CDH13: variants seen among roughly 807,000 people sequenced by gnomAD.
CDH13 encodes the protein cadherin-13.
In CDH13, 24 loss-of-function variants were observed where a neutral mutation model predicts 63.8. The observed-to-expected ratio is 0.38, with a 90% CI of 0.27 to 0.53. The LOEUF (loss-of-function observed/expected upper bound fraction) is 0.53. CDH13 is among the 20% of genes least tolerant of loss of function. The pLI, the probability that CDH13 is intolerant of heterozygous loss-of-function variation, is 0.85. For synonymous variants in CDH13, 503 were observed against 355.3 expected, an observed-to-expected ratio of 1.42 and a Z score of -4.67; for missense variants, 1,049 against 903.1, an observed-to-expected ratio of 1.16 and a Z score of -2.07.
intron 7 of CDH13, among the ~76,000 whole-genome samples, chr16:83,512,354 A>AAATAAAT (rs1567726017): frequency 6.9e-6 from 1 of 145,254 alleles, no homozygotes; most frequent in Non-Finnish European, 1.5e-5. Flanking sequence ...ATAAATAAAT[A>AAATAAAT]AATAAATAAA....
At chr16:83,363,735 A>G (rs1255558162) in intron 6 of CDH13, among the ~76,000 whole-genome samples, 1 of 152,210 alleles carries the variant, frequency 6.6e-6, no homozygotes, top group Non-Finnish European at 1.5e-5. Context: ...GGGAGGTGGC[A>G]GATCCTTTGG....
At chr16:83,738,261 T>C (rs1258949778) in intron 10 of CDH13, among the ~76,000 whole-genome samples, 1 of 152,180 alleles carries the variant, frequency 6.6e-6, no homozygotes, top group Non-Finnish European at 1.5e-5. Flanking sequence ...CCAAGCGCGG[T>C]GCCTGGCATG....
intron 1 of CDH13, among the ~76,000 whole-genome samples, chr16:82,630,285 G>T (rs1319470301): frequency 2.1e-4 from 32 of 152,170 alleles, no homozygotes; most frequent in Admixed American, 2.1e-3. Flanking sequence ...CTAGGGAAAT[G>T]GAATATGTAG....
intron 6 of CDH13, among the ~76,000 whole-genome samples, chr16:83,361,723 G>A (rs1372141425): frequency 6.6e-6 from 1 of 152,126 alleles, no homozygotes; most frequent in Non-Finnish European, 1.5e-5. Flanking sequence ...CTTTGTGGAA[G>A]AGCAGATGCC....
intron 1 of CDH13, among the ~76,000 whole-genome samples, chr16:82,786,948 T>C (rs1415084281): frequency 6.6e-6 from 1 of 152,196 alleles, no homozygotes; most frequent in Non-Finnish European, 1.5e-5. Context: ...AAGCATCCTC[T>C]ACTTGTGCAT....
At chr16:82,750,382 G>C (rs953075746) in intron 1 of CDH13, among the ~76,000 whole-genome samples, 1 of 152,146 alleles carries the variant, frequency 6.6e-6, no homozygotes, top group African/African-American at 2.4e-5. Flanking sequence ...GCCTCTACCA[G>C]CCTCAATCTT....
In CDH13 at chr16:83,120,152, T is replaced by C. The variant is rs540681366; in HGVS notation, c.367-5233T>C. ...CCCGAACCCTGTCCCTTCCAGGTAC[T>C]GTTTTTCCCGAATCAGAGCTTCCTG... On this transcript the variant is annotated intron_variant, in intron 3 of 13. Transcript: ENST00000567109. 5.3e-5 allele frequency among the ~76,000 whole-genome samples: 8 copies of C among 152,222 alleles called. No homozygotes were observed. The South Asian group carries it at 6.2e-4, about 12-fold the overall frequency.
At chr16:82,705,111 A>G (rs1020134250) in intron 1 of CDH13, 1 of 455,960 alleles carries the variant, frequency 2.2e-6, no homozygotes, top group Non-Finnish European at 4.4e-6. Context: ...CAATTTATCA[A>G]AAATAAAGCC....
At chr16:83,120,306 A>G (rs1327208608) in intron 3 of CDH13, among the ~76,000 whole-genome samples, 1 of 152,318 alleles carries the variant, frequency 6.6e-6, no homozygotes, top group South Asian at 2.1e-4. Flanking sequence ...GTGAGCTGGG[A>G]GGACACCAGA....
chr16:82,708,681 A>G (rs1759477508), intron 1 of CDH13, among the ~76,000 whole-genome samples: 1 of 152,140 alleles, frequency 6.6e-6, no homozygotes, highest in Admixed American at 6.6e-5. Context: ...AGGGTCTAAA[A>G]CACCATGACC....
chr16:82,935,917 C>T (rs759021682), intron 2 of CDH13, among the ~76,000 whole-genome samples: 6 of 152,084 alleles, frequency 3.9e-5, no homozygotes, highest in Non-Finnish European at 7.4e-5. Context: ...AAAAGACCAG[C>T]GGGTGGCAGC....
intron 1 of CDH13, among the ~76,000 whole-genome samples, chr16:82,770,827 C>A (rs771006928): frequency 1.3e-5 from 2 of 152,146 alleles, no homozygotes; most frequent in Non-Finnish European, 2.9e-5. Flanking sequence ...CCTGCCTCAG[C>A]CTCCCGAGTA....
intron 5 of CDH13, 129 bp from the exon 6 acceptor site, chr16:83,344,733 G>A: frequency 6.4e-6 from 6 of 940,556 alleles, no homozygotes; most frequent in Non-Finnish European, 9.5e-6. Flanking sequence ...TATCCTCTGA[G>A]ACCAAAATTT....
intron 6 of CDH13, among the ~76,000 whole-genome samples, chr16:83,400,321 C>G (rs1320014910): frequency 5.9e-5 from 9 of 152,148 alleles, no homozygotes; most frequent in Non-Finnish European, 8.8e-5. Flanking sequence ...GTTTGGCTTT[C>G]TGGTGCTCTG....
At chr16:83,512,397 G>A (rs1018825932) in intron 7 of CDH13, among the ~76,000 whole-genome samples, 4 of 149,978 alleles carry the variant, frequency 2.7e-5, no homozygotes, top group South Asian at 4.2e-4. Context: ...AGGGCTGGGC[G>A]TGGTGGCTCA....
intron 7 of CDH13, among the ~76,000 whole-genome samples, chr16:83,590,992 T>C (rs1223896171): frequency 2.1e-5 from 3 of 143,472 alleles, no homozygotes; most frequent in African/African-American, 7.8e-5. Flanking sequence ...CACACCGCAA[T>C]CTCCACCTTC....
At chr16:82,689,704 C>G (rs75630728) in intron 1 of CDH13, among the ~76,000 whole-genome samples, 5,298 of 152,110 alleles carry the variant, frequency 0.035, 174 homozygotes, top group African/African-American at 0.078. Context: ...TGTAAAGGGA[C>G]TCCTGTCCTC....
chr16:82,909,701 C>G (rs919801398), intron 2 of CDH13, among the ~76,000 whole-genome samples: 1 of 152,006 alleles, frequency 6.6e-6, no homozygotes, highest in Non-Finnish European at 1.5e-5. Flanking sequence ...ATGAGAAAGA[C>G]CCAACCCCAT....
At chr16:82,627,337 C>CGTGCGTGTGT (rs1555525839) in intron 1 of CDH13, among the ~76,000 whole-genome samples, 200 bp downstream of exon 1, 6,441 of 131,136 alleles carry the variant, frequency 0.049, 252 homozygotes, top group South Asian at 0.071. Flanking sequence ...CTCTGGCGTG[C>CGTGCGTGTGT]GTGTGTGTGT....
Sources: allele counts gnomAD v4.1 joint callset (sites outside exome capture counted in the v4.1 genomes callset), GRCh38; gene constraint gnomAD v4.1.1; transcripts MANE v1.5; gene names NCBI Gene and HGNC (gene_info 2026-07-23, HGNC 2026-07-21).